The following SPOCK3 variants were observed in gnomAD, a reference collection of about 807,000 sequenced individuals.
SPOCK3 encodes the protein testican-3.
In SPOCK3, 30 loss-of-function variants were observed where a neutral mutation model predicts 56.6. The ratio of observed to expected loss-of-function variants is 0.53; its 90% CI spans 0.40 to 0.72. The LOEUF is 0.72. Among genes scored for constraint, SPOCK3 ranks in the 30% least tolerant of loss-of-function variants. The pLI, the probability that SPOCK3 is intolerant of heterozygous loss-of-function variation, is 0.00. For synonymous variants in SPOCK3, 196 were observed against 183.3 expected (o/e 1.07, Z -0.56); for missense variants, 527 against 530.0 (o/e 0.99, Z 0.06).
intron 6 of SPOCK3, among the ~76,000 whole-genome samples, chr4:166,864,851 G>A (rs1307442975): frequency 6.6e-6 from 1 of 151,972 alleles, no homozygotes; most frequent in Non-Finnish European, 1.5e-5. Context: ...TTCTACCAGA[G>A]GTACAAAGAG....
At chr4:167,217,084 G>T (rs77731211) in intron 2 of SPOCK3, among the ~76,000 whole-genome samples, 4,815 of 151,756 alleles carry the variant, frequency 0.032, 114 homozygotes, top group Middle Eastern at 0.075. Flanking sequence ...TGTTAAACAC[G>T]GTGAAAAAAA....
chr4:167,048,310 G>A (rs1753900834), intron 3 of SPOCK3, among the ~76,000 whole-genome samples: 1 of 151,204 alleles, frequency 6.6e-6, no homozygotes, highest in Admixed American at 6.6e-5. Context: ...AGATTGTTAG[G>A]TAATTTACAA....
chr4:167,180,460 G>T (rs998090841), intron 2 of SPOCK3, among the ~76,000 whole-genome samples: 10 of 152,162 alleles, frequency 6.6e-5, no homozygotes, highest in African/African-American at 2.2e-4. Flanking sequence ...ACGAGCTCAA[G>T]TTTCATTACC....
upstream of SPOCK3, chr4:167,234,553 C>T: frequency 3.8e-6 from 1 of 261,532 alleles, no homozygotes; most frequent in Non-Finnish European, 7.4e-6. Context: ...CCGTCTCGAG[C>T]CGTCCACTCA....
intron 2 of SPOCK3, among the ~76,000 whole-genome samples, chr4:167,223,373 ATATT>A (rs1343831123): frequency 1.4e-5 from 2 of 146,886 alleles, no homozygotes; most frequent in African/African-American, 5.0e-5. Flanking sequence ...ATATAAATAT[ATATT>A]TATAGAGGGA....
rs1579389618 is a variant in SPOCK3 at position 166,842,232 on chromosome 4, C to G, written c.589+46898G>C. ...AAAGCTTCCACGGTGAGGAAGAGGA[C>G]TTCAGCACGTTGCTTTTGCTGGCTC... On this transcript the variant is annotated intron_variant, in intron 6 of 10. Coordinates refer to ENST00000357545, the MANE Select transcript of SPOCK3 (RefSeq NM_001040159.2). Among the ~76,000 whole-genome samples the G allele has an allele frequency of 2.0e-5, 3 of 152,350 alleles. No individual in the cohort carries two copies. The Middle Eastern group carries it at 0.01, about 518-fold the overall frequency.
At chr4:167,168,838 G>GA (rs1029076011) in intron 2 of SPOCK3, among the ~76,000 whole-genome samples, 3 of 151,850 alleles carry the variant, frequency 2.0e-5, no homozygotes, top group East Asian at 1.9e-4. Context: ...AGGCATAGGA[G>GA]AAAAAAAATG....
chr4:167,214,886 A>G (rs1283111680), intron 2 of SPOCK3, among the ~76,000 whole-genome samples: 1 of 152,006 alleles, frequency 6.6e-6, no homozygotes, highest in South Asian at 2.1e-4. Context: ...CCTACTGTTG[A>G]CATTTTCATA....
chr4:167,209,712 A>G (rs905823627), intron 2 of SPOCK3, among the ~76,000 whole-genome samples: 2 of 152,318 alleles, frequency 1.3e-5, no homozygotes, highest in South Asian at 4.1e-4. Flanking sequence ...AGAATGCAGG[A>G]GCATGTGCTT....
intron 6 of SPOCK3, among the ~76,000 whole-genome samples, chr4:166,830,734 C>T (rs1021913257): frequency 2.0e-5 from 3 of 151,734 alleles, no homozygotes; most frequent in Admixed American, 6.6e-5. Context: ...CTTTGTCTCC[C>T]TCCCCGCCCC....
At chr4:167,123,740 C>CTTTT (rs901846399) in intron 2 of SPOCK3, among the ~76,000 whole-genome samples, 15 of 118,372 alleles carry the variant, frequency 1.3e-4, no homozygotes, top group African/African-American at 1.9e-4. Flanking sequence ...CATTTCTTTT[C>CTTTT]TTTTTTTTTT....
intron 3 of SPOCK3, among the ~76,000 whole-genome samples, chr4:167,015,123 C>T (rs1351006673): frequency 2.6e-5 from 4 of 152,000 alleles, no homozygotes; most frequent in African/African-American, 9.7e-5. Context: ...ACAGAGGGTG[C>T]TCCTCTAGAA....
intron 6 of SPOCK3, among the ~76,000 whole-genome samples, chr4:166,883,937 T>C (rs1579530457): frequency 6.6e-6 from 1 of 152,334 alleles, no homozygotes; most frequent in East Asian, 1.9e-4. Context: ...CACTATTATC[T>C]TTCCTGATGA....
rs1732290841 is a variant in SPOCK3, at chr4:167,189,471, A to G, written c.189+44514T>C. ...GCATTCATCAGTCCAAAAAAAATTT[A>G]TTATTTTTTTCCAGCTTTATTGAGG... On this transcript the variant is annotated intron_variant, in intron 2 of 10. Coordinates refer to ENST00000357545, the MANE Select transcript of SPOCK3 (RefSeq NM_001040159.2). Among the ~76,000 whole-genome samples the G allele has an allele frequency of 1.4e-5, 2 of 145,722 alleles. 1 individual carries two copies. The highest frequency in any genetic ancestry group is 4.3e-4 in the South Asian group (2 of 4,684).
At chr4:166,862,487 A>C (rs1344520345) in intron 6 of SPOCK3, among the ~76,000 whole-genome samples, 1 of 152,070 alleles carries the variant, frequency 6.6e-6, no homozygotes, top group Non-Finnish European at 1.5e-5. Context: ...AAGAGTTAGT[A>C]TTGCTACTAA....
At chr4:166,912,472 A>G in intron 5 of SPOCK3, 148 bp downstream of exon 5, 1 of 862,510 alleles carries the variant, frequency 1.2e-6, no homozygotes, top group South Asian at 1.9e-5. Flanking sequence ...TGCACATTGA[A>G]TCATATTCCA....
chr4:167,026,787 G>T (rs1278465132), intron 3 of SPOCK3, among the ~76,000 whole-genome samples: 1 of 148,878 alleles, frequency 6.7e-6, no homozygotes, highest in Non-Finnish European at 1.5e-5. Flanking sequence ...AAAATATATC[G>T]CATTGGTTGA....
chr4:166,954,316 ATCTG>A (rs1743119404), intron 4 of SPOCK3, among the ~76,000 whole-genome samples: 1 of 152,086 alleles, frequency 6.6e-6, no homozygotes, highest in Non-Finnish European at 1.5e-5. Context: ...ATATCATCCC[ATCTG>A]TCTATTCTTG....
chr4:166,992,789 G>C (rs1375205122), intron 4 of SPOCK3, among the ~76,000 whole-genome samples: 3 of 146,798 alleles, frequency 2.0e-5, no homozygotes, highest in African/African-American at 5.0e-5. Flanking sequence ...AAGAAACCAG[G>C]AACTATTTGA....
Sources: allele counts gnomAD v4.1 joint callset (sites outside exome capture counted in the v4.1 genomes callset), GRCh38; gene constraint gnomAD v4.1.1; transcripts MANE v1.5; gene names NCBI Gene and HGNC (gene_info 2026-07-23, HGNC 2026-07-21).